Variants in PPP6R3 observed in about 807,000 individuals in gnomAD.
PPP6R3 encodes the protein protein phosphatase 6 regulatory subunit 3.
Under a neutral mutation model 110.7 loss-of-function variants are expected in PPP6R3, and 38 were observed. The ratio of observed to expected loss-of-function variants is 0.34; its 90% CI spans 0.26 to 0.45. The LOEUF (loss-of-function observed/expected upper bound fraction) is 0.45. PPP6R3 is among the 20% of genes least tolerant of loss of function. The pLI is 1.00. For synonymous variants in PPP6R3, 369 were observed against 373.5 expected (o/e 0.99, Z 0.14); for missense variants, 870 against 1,062.4 (o/e 0.82, Z 2.52).
intron 7 of PPP6R3, among the ~76,000 whole-genome samples, chr11:68,557,622 G>A (rs990817456): frequency 7.2e-5 from 11 of 152,066 alleles, no homozygotes; most frequent in Admixed American, 2.0e-4. Context: ...GGGTTCAAGC[G>A]ATTCTCCTGC....
intron 19 of PPP6R3, among the ~76,000 whole-genome samples, chr11:68,599,005 CATT>C (rs1002833211): frequency 1.3e-5 from 2 of 152,158 alleles, no homozygotes; most frequent in African/African-American, 2.4e-5. Context: ...AGTGAATAGT[CATT>C]ATGAAATCAA....
Position 68,613,917 on chromosome 11 carries a change from G to A in PPP6R3, c.*800G>A. On this transcript the variant is annotated 3_prime_UTR_variant, in exon 24 of 24. Transcript: ENST00000393800. ...TTTGGGATTTTTTTTTTTTTTTTTT[G>A]GCTTTTGTTTTTGTTTGTTTTTTTG... The A allele has an allele frequency of 1.1e-6, 1 of 870,066 alleles. No homozygotes were observed. Among genetic ancestry groups the A allele is most frequent in the Non-Finnish European group, 1.3e-6 (1 of 753,182 alleles). The allele number at this position is 870,066 out of a possible 1,614,324, so 53.9% of individuals were successfully genotyped here. A position where few individuals can be genotyped will look rare whatever the true frequency, so the allele number is the denominator to read the frequency against.
At chr11:68,471,240 C>T (rs151237072) in intron 1 of PPP6R3, among the ~76,000 whole-genome samples, 2,234 of 147,872 alleles carry the variant, frequency 0.015, 25 homozygotes, top group Middle Eastern at 0.024. Context: ...GCTGAGATCG[C>T]GCCCTGCACT....
At chr11:68,507,073 A>G (rs953525744) in intron 1 of PPP6R3, among the ~76,000 whole-genome samples, 4 of 152,192 alleles carry the variant, frequency 2.6e-5, no homozygotes, top group African/African-American at 9.7e-5. Flanking sequence ...TTGGCTTCAT[A>G]TATGCCTGCA....
chr11:68,475,616 C>T (rs1340667428), intron 1 of PPP6R3, among the ~76,000 whole-genome samples: 64 of 144,984 alleles, frequency 4.4e-4, no homozygotes, highest in African/African-American at 1.6e-3. Context: ...CCGGACGGGG[C>T]GGCTGGCCGG....
rs1403778188 is a variant in PPP6R3 at position 68,528,637 on chromosome 11, AGGGG to A, written c.-7+8988_-7+8991del. On this transcript the variant is annotated intron_variant, in intron 2 of 23. Coordinates refer to ENST00000393800, the MANE Select transcript of PPP6R3 (RefSeq NM_001164161.2). Reference sequence around the variant, plus strand: ...TCCCTGGGCATTGAGCTTTGCTGTCAGGGGGAAGAGTTTCTCATTAACTTACAAC... The same window carrying A: ...TCCCTGGGCATTGAGCTTTGCTGTCAGAAGAGTTTCTCATTAACTTACAAC... 1.5e-4 allele frequency among the ~76,000 whole-genome samples: 22 copies of A among 151,488 alleles called. 1 individual carries two copies. Among genetic ancestry groups the A allele is most frequent in the Admixed American group, 1.4e-3 (21 of 15,264 alleles).
chr11:68,558,878 CTATT>C (rs1366191375), intron 8 of PPP6R3, among the ~76,000 whole-genome samples, 199 bp downstream of exon 8: 1 of 152,152 alleles, frequency 6.6e-6, no homozygotes, highest in African/African-American at 2.4e-5. Flanking sequence ...TTTGGTGACA[CTATT>C]TATTGGCAGT....
At chr11:68,566,219 T>TACC (rs1006224775) in intron 9 of PPP6R3, among the ~76,000 whole-genome samples, 17 of 150,286 alleles carry the variant, frequency 1.1e-4, no homozygotes, top group Admixed American at 8.7e-4. Context: ...TAGCAACTAC[T>TACC]ACCACCACCA....
intron 6 of PPP6R3, among the ~76,000 whole-genome samples, chr11:68,552,193 A>G (rs1276837765): frequency 1.3e-5 from 2 of 152,204 alleles, no homozygotes; most frequent in African/African-American, 4.8e-5. Context: ...TCAGCCTAAT[A>G]TCTACAAAGG....
At chr11:68,480,080 T>C (rs1321707183) in intron 1 of PPP6R3, among the ~76,000 whole-genome samples, 2 of 152,212 alleles carry the variant, frequency 1.3e-5, no homozygotes, top group Non-Finnish European at 2.9e-5. Context: ...ATTTTTGCTT[T>C]GATATTTCTC....
At chr11:68,570,170 T>G (rs1421483926) in intron 11 of PPP6R3, among the ~76,000 whole-genome samples, 10 of 152,246 alleles carry the variant, frequency 6.6e-5, no homozygotes, top group Non-Finnish European at 8.8e-5. Flanking sequence ...TATAAATTCT[T>G]TGATGATTTG....
At chr11:68,484,421 C>G (rs992758583) in intron 1 of PPP6R3, among the ~76,000 whole-genome samples, 1 of 152,050 alleles carries the variant, frequency 6.6e-6, no homozygotes, top group African/African-American at 2.4e-5. Flanking sequence ...TGTGCTATCT[C>G]ATTGTTGCTT....
At chr11:68,612,754 A>T in intron 23 of PPP6R3, 1 of 303,742 alleles carries the variant, frequency 3.3e-6, no homozygotes, top group Non-Finnish European at 6.1e-6. Flanking sequence ...TGGAAGCCAC[A>T]GTTTATACCC....
chr11:68,526,626 T>A (rs139574560), intron 2 of PPP6R3, among the ~76,000 whole-genome samples: 20 of 152,310 alleles, frequency 1.3e-4, no homozygotes, highest in African/African-American at 4.8e-4. Context: ...TGGAACCAGC[T>A]GGGTGTTCCT....
intron 15 of PPP6R3, among the ~76,000 whole-genome samples, chr11:68,585,667 C>T: frequency 6.6e-6 from 1 of 152,090 alleles, no homozygotes; most frequent in Non-Finnish European, 1.5e-5. Context: ...ATGTGAAGTT[C>T]TTTGCTAGAA....
In PPP6R3 at chr11:68,571,021, T is replaced by C. The variant is rs76831016; in HGVS notation, c.1279-19T>C. ...ATGCTTTGAAGTATTAACTGGAATA[T>C]TCTTTTTTTTTTTTTCAGCTTTTCC... is the stretch of plus-strand genomic sequence containing the variant. On this transcript the variant is annotated intron_variant, in intron 11 of 23. Coordinates refer to ENST00000393800, the MANE Select transcript of PPP6R3 (RefSeq NM_001164161.2). 1.3e-6 allele frequency: 2 copies of C among 1,589,320 alleles called. No homozygotes were observed. Among genetic ancestry groups the C allele is most frequent in the South Asian group, 2.3e-5 (2 of 86,022 alleles).
intron 1 of PPP6R3, among the ~76,000 whole-genome samples, chr11:68,496,696 C>T (rs1350598060): frequency 6.6e-6 from 1 of 152,062 alleles, no homozygotes; most frequent in African/African-American, 2.4e-5. Flanking sequence ...TGGTCTCAAA[C>T]TCGGCCTCAA....
intron 1 of PPP6R3, among the ~76,000 whole-genome samples, chr11:68,464,095 G>A (rs2098728207): frequency 6.6e-6 from 1 of 152,178 alleles, no homozygotes; most frequent in South Asian, 2.1e-4. Flanking sequence ...TTAAGACCAT[G>A]GATGTTGGAC....
intron 1 of PPP6R3, among the ~76,000 whole-genome samples, chr11:68,474,761 G>T (rs2098816246): frequency 2.6e-5 from 4 of 151,872 alleles, no homozygotes; most frequent in East Asian, 1.9e-4. Flanking sequence ...TAAAATCTTT[G>T]TTTTTTCCTG....
Sources: allele counts gnomAD v4.1 joint callset (sites outside exome capture counted in the v4.1 genomes callset), GRCh38; gene constraint gnomAD v4.1.1; transcripts MANE v1.5; gene names NCBI Gene and HGNC (gene_info 2026-07-23, HGNC 2026-07-21).